Variants in CDKAL1 observed in about 807,000 individuals in gnomAD.
CDKAL1 encodes the protein threonylcarbamoyladenosine tRNA methylthiotransferase.
Under a neutral mutation model 68.2 loss-of-function variants are expected in CDKAL1, and 32 were observed. That is an observed-to-expected ratio of 0.47 (90% confidence interval 0.35 to 0.63). CDKAL1 has a LOEUF of 0.63. CDKAL1 is among the 30% of genes least tolerant of loss of function. The probability of loss-of-function intolerance (pLI) is 0.00; values close to 1 mark genes in which losing one functional copy is unlikely to be tolerated. For missense variants in CDKAL1, 606 were observed against 696.7 expected, an observed-to-expected ratio of 0.87 and a Z score of 1.47; for synonymous variants, 234 against 244.3, an observed-to-expected ratio of 0.96 and a Z score of 0.39.
chr6:20,627,304 C>T (rs1767475893), intron 4 of CDKAL1, among the ~76,000 whole-genome samples: 1 of 152,036 alleles, frequency 6.6e-6, no homozygotes, highest in African/African-American at 2.4e-5. Context: ...AAATCTTTTC[C>T]TTTAGAAAAG....
chr6:20,799,599 CTT>C (rs1484532240), intron 8 of CDKAL1: 1 of 152,164 alleles, frequency 6.6e-6, no homozygotes, highest in Non-Finnish European at 1.5e-5. Flanking sequence ...AGGAAATACT[CTT>C]TTGTTTTGGC....
rs184990629 is a variant in CDKAL1 at position 20,841,759 on chromosome 6, A to G, written c.639-4316A>G. 2.7e-3 allele frequency among the ~76,000 whole-genome samples: 411 copies of G among 152,338 alleles called. 1 individual carries two copies. Among genetic ancestry groups the G allele is most frequent in the Non-Finnish European group, 3.9e-3 (264 of 68,032 alleles). On this transcript the variant is annotated intron_variant, in intron 8 of 15. Coordinates refer to ENST00000274695, the MANE Select transcript of CDKAL1 (RefSeq NM_017774.3). ...CAAAAAAAACCTTTTTTACAAAAAT[A>G]AAAATAATAAAAAATAAAACTCTCC...
At chr6:20,720,623 C>T (rs890984635) in intron 5 of CDKAL1, among the ~76,000 whole-genome samples, 2 of 152,132 alleles carry the variant, frequency 1.3e-5, no homozygotes, top group African/African-American at 4.8e-5. Flanking sequence ...TCTCCTGCCT[C>T]AGCCTCCCTA....
At chr6:21,216,515 C>T (rs10946438) in intron 15 of CDKAL1, among the ~76,000 whole-genome samples, 68,183 of 151,816 alleles carry the variant, frequency 0.45, 16,133 homozygotes, top group African/African-American at 0.6. Context: ...AGTGGCTGTT[C>T]ATGTCCCATC....
chr6:20,974,939 A>G (rs1408003025), intron 10 of CDKAL1, among the ~76,000 whole-genome samples: 1 of 145,608 alleles, frequency 6.9e-6, no homozygotes, highest in African/African-American at 2.6e-5. Context: ...AGATCTCAAC[A>G]CTGCACTCCA....
At chr6:20,629,251 A>G (rs750969049) in intron 4 of CDKAL1, among the ~76,000 whole-genome samples, 6 of 152,160 alleles carry the variant, frequency 3.9e-5, no homozygotes, top group Non-Finnish European at 7.3e-5. Context: ...CAAGTTATAC[A>G]TCTTTGGCGG....
intron 2 of CDKAL1, among the ~76,000 whole-genome samples, chr6:20,537,915 T>G (rs1436018341): frequency 5.3e-5 from 8 of 152,338 alleles, no homozygotes; most frequent in Non-Finnish European, 1.0e-4. Flanking sequence ...TTGTTCAAAG[T>G]AAAACCTTTA....
At chr6:20,609,401 C>CGTTT (rs1766507173) in intron 4 of CDKAL1, among the ~76,000 whole-genome samples, 1 of 49,762 alleles carries the variant, frequency 2.0e-5, no homozygotes, top group Admixed American at 2.0e-4. Context: ...TCTTCTTCTT[C>CGTTT]TTTTTTTTTT....
In CDKAL1 at chr6:20,720,288, A is replaced by G. The variant is rs570537415; in HGVS notation, c.372-19231A>G. On this transcript the variant is annotated intron_variant, in intron 5 of 15. Coordinates refer to ENST00000274695, the MANE Select transcript of CDKAL1 (RefSeq NM_017774.3). ...CCTTTTTCTTTAAAAAAAAATTTGC[A>G]CAAATTTGTGGGGTGCATGAGAAAT... Among the ~76,000 whole-genome samples, 6 of 152,252 alleles carry G rather than the reference A, an allele frequency of 3.9e-5. No individual in the cohort carries two copies. The South Asian group carries it at 1.0e-3, about 26-fold the overall frequency.
chr6:21,214,294 A>G (rs780461381), intron 15 of CDKAL1, among the ~76,000 whole-genome samples: 1 of 151,558 alleles, frequency 6.6e-6, no homozygotes, highest in Non-Finnish European at 1.5e-5. Context: ...GTGTACTTCA[A>G]AATTGTTCAA....
In CDKAL1 at chr6:20,846,103, A is replaced by G; in HGVS notation, c.667A>G (p.Thr223Ala). The G allele has an allele frequency of 3.1e-6, 5 of 1,613,134 alleles. No homozygotes were observed. The highest frequency in any genetic ancestry group is 4.2e-6 in the Non-Finnish European group (5 of 1,179,396). ...TCTCAATGCTTGTACCTACTGCAAA[A>G]CTAAACACGCCAGAGGAAATTTGGC... is the stretch of plus-strand genomic sequence containing the variant. ...GCLNACTYCK[T>A]KHARGNLASY... is the part of the protein sequence containing the mutation. The change falls in exon 9 of 16, where the codon ACT (threonine) becomes GCT (alanine). Residue 223 changes from threonine (T) to alanine (A), a missense_variant. By Grantham distance (58) the Thr-to-Ala change is moderately conservative. Transcript: ENST00000274695.
intron 9 of CDKAL1, among the ~76,000 whole-genome samples, chr6:20,883,943 T>TA (rs961336373): frequency 1.3e-5 from 2 of 152,098 alleles, no homozygotes; most frequent in Non-Finnish European, 2.9e-5. Context: ...GAAATTCATC[T>TA]AAAAAATAGA....
At chr6:21,089,017 G>C (rs1450318273) in intron 12 of CDKAL1, among the ~76,000 whole-genome samples, 2 of 152,146 alleles carry the variant, frequency 1.3e-5, no homozygotes, top group Non-Finnish European at 1.5e-5. Flanking sequence ...TGGATACCGG[G>C]TCATGCACTA....
intron 9 of CDKAL1, among the ~76,000 whole-genome samples, chr6:20,941,873 C>T (rs977631240): frequency 7.2e-5 from 11 of 152,116 alleles, no homozygotes; most frequent in East Asian, 1.9e-4. Context: ...GAATTATTGG[C>T]GATAAGGAAT....
intron 5 of CDKAL1, among the ~76,000 whole-genome samples, chr6:20,697,217 TTATTG>T (rs1771145351): frequency 6.6e-6 from 1 of 152,148 alleles, no homozygotes. Context: ...AAAACAAACT[TTATTG>T]AGATGAGCAA....
chr6:20,707,717 G>T (rs1219043655), intron 5 of CDKAL1, among the ~76,000 whole-genome samples: 1 of 152,224 alleles, frequency 6.6e-6, no homozygotes, highest in Non-Finnish European at 1.5e-5. Context: ...ATGCATGTAA[G>T]AGTAATTCTT....
chr6:20,945,349 T>G (rs1193744890), intron 9 of CDKAL1, among the ~76,000 whole-genome samples: 1 of 152,114 alleles, frequency 6.6e-6, no homozygotes, highest in Non-Finnish European at 1.5e-5. Context: ...TTTTCCATAA[T>G]TTGAAAAAAA....
At chr6:21,078,902 G>A (rs1055486833) in intron 12 of CDKAL1, among the ~76,000 whole-genome samples, 8 of 152,062 alleles carry the variant, frequency 5.3e-5, no homozygotes. Context: ...AGAAATGTGG[G>A]GGCTAATCTT....
At chr6:21,043,728 A>C (rs1770065605) in intron 11 of CDKAL1, among the ~76,000 whole-genome samples, 1 of 152,158 alleles carries the variant, frequency 6.6e-6, no homozygotes, top group Non-Finnish European at 1.5e-5. Context: ...ACATCTTTTA[A>C]AAGTATCGTC....
Sources: allele counts gnomAD v4.1 joint callset (sites outside exome capture counted in the v4.1 genomes callset), GRCh38; gene constraint gnomAD v4.1.1; transcripts MANE v1.5; gene names NCBI Gene and HGNC (gene_info 2026-07-23, HGNC 2026-07-21).